The following DNAAF11 variants were observed in gnomAD, a reference collection of about 807,000 sequenced individuals.
The protein encoded by DNAAF11 is dynein axonemal assembly factor 11.
Under a neutral mutation model 60.8 loss-of-function variants are expected in DNAAF11, and 45 were observed. The observed-to-expected ratio is 0.74, with a 90% CI of 0.58 to 0.95. The LOEUF is 0.95. Ranked by LOEUF, DNAAF11 falls within the 40% of genes least tolerant of loss-of-function variation. DNAAF11 has a pLI of 0.00. For synonymous variants in DNAAF11, 191 were observed against 183.5 expected, an observed-to-expected ratio of 1.04 and a Z score of -0.33; for missense variants, 546 against 546.2, an observed-to-expected ratio of 1.00 and a Z score of 0.00.
intron 10 of DNAAF11, among the ~76,000 whole-genome samples, chr8:132,587,915 T>G (rs765364057): frequency 6.6e-6 from 1 of 152,158 alleles, no homozygotes; most frequent in Non-Finnish European, 1.5e-5. Context: ...ATGCATGACT[T>G]TCCAACTTTT....
intron 1 of DNAAF11, among the ~76,000 whole-genome samples, chr8:132,669,278 T>C (rs1824939960): frequency 6.6e-6 from 1 of 152,196 alleles, no homozygotes; most frequent in Non-Finnish European, 1.5e-5. Flanking sequence ...AGATGCTAGC[T>C]AAGATAGGAT....
intron 10 of DNAAF11, among the ~76,000 whole-genome samples, chr8:132,585,881 C>G (rs1489038777): frequency 6.6e-6 from 1 of 152,086 alleles, no homozygotes; most frequent in African/African-American, 2.4e-5. Context: ...GTATGAATGT[C>G]TATATGGTTT....
At chr8:132,644,944 C>T (rs934875496) in intron 3 of DNAAF11, among the ~76,000 whole-genome samples, 37 of 152,182 alleles carry the variant, frequency 2.4e-4, no homozygotes, top group Admixed American at 2.2e-3. Flanking sequence ...GAAACTTCTG[C>T]GGACTTAAAC....
intron 5 of DNAAF11, among the ~76,000 whole-genome samples, chr8:132,632,309 T>A (rs750478582): frequency 6.6e-6 from 1 of 152,182 alleles, no homozygotes; most frequent in Non-Finnish European, 1.5e-5. Flanking sequence ...ATTAATCACA[T>A]TAAAAATGTA....
intron 11 of DNAAF11, among the ~76,000 whole-genome samples, chr8:132,577,764 T>A (rs1364617331): frequency 6.6e-6 from 1 of 152,174 alleles, no homozygotes; most frequent in African/African-American, 2.4e-5. Flanking sequence ...GTTCAAGTGA[T>A]CTTCCCACCT....
chr8:132,661,612 A>G lies in DNAAF11; in HGVS notation c.26T>C (p.Ile9Thr). The change falls in exon 2 of 12, where the codon ATT (isoleucine) becomes ACT (threonine). Residue 9 changes from isoleucine (I) to threonine (T), a missense_variant. Coordinates refer to ENST00000620350, the MANE Select transcript of DNAAF11 (RefSeq NM_012472.6). ...GTCGTTGTGTTCAGCATTCCGTCTA[A>G]TAAGATCTTCTGTGACTGGAAGAAA... MGWITEDLIRRNAEHNDCV... is the reference protein window; with the variant it reads MGWITEDLTRRNAEHNDCV... The G allele has an allele frequency of 6.2e-7, 1 of 1,614,070 alleles. No individual in the cohort carries two copies. The highest frequency in any genetic ancestry group is 8.5e-7 in the Non-Finnish European group (1 of 1,179,950).
At chr8:132,614,626 G>A (rs1818969347) in intron 8 of DNAAF11, among the ~76,000 whole-genome samples, 2 of 152,086 alleles carry the variant, frequency 1.3e-5, no homozygotes, top group Admixed American at 1.3e-4. Flanking sequence ...CTGGTGACAG[G>A]GGCTGCTAGG....
At chr8:132,595,347 GGAAAAAAAA>G (rs1816892018) in intron 10 of DNAAF11, among the ~76,000 whole-genome samples, 5 of 40,670 alleles carry the variant, frequency 1.2e-4, no homozygotes, top group African/African-American at 4.0e-4. Flanking sequence ...GAGACAGAGG[GGAAAAAAAA>G]AAAAAAAAAA....
intron 10 of DNAAF11, among the ~76,000 whole-genome samples, chr8:132,606,144 T>C (rs1818109447): frequency 6.6e-6 from 1 of 152,216 alleles, no homozygotes; most frequent in South Asian, 2.1e-4. Flanking sequence ...TTTGTGGTGA[T>C]CCTGGCATAA....
At chr8:132,632,145 T>G (rs1395793744) in intron 5 of DNAAF11, among the ~76,000 whole-genome samples, 1 of 152,178 alleles carries the variant, frequency 6.6e-6, no homozygotes, top group East Asian at 1.9e-4. Flanking sequence ...TCTGCAATAT[T>G]TTATAATTAT....
rs754350787 is a variant in DNAAF11, at chr8:132,675,497, G to A, written c.-4C>T. ...AGGGGGGCTTACTCCAGCCCATGGC[G>A]CCTCTCCAGTTCGCTGACCCCGCAA... On this transcript the variant is annotated 5_prime_UTR_variant, in exon 1 of 12. Coordinates refer to ENST00000620350, the MANE Select transcript of DNAAF11 (RefSeq NM_012472.6). 9.6e-6 allele frequency: 15 copies of A among 1,564,298 alleles called. No homozygotes were observed. Among genetic ancestry groups the A allele is most frequent in the African/African-American group, 4.1e-5 (3 of 72,468 alleles).
At chr8:132,664,387 C>A (rs1402644246) in intron 1 of DNAAF11, among the ~76,000 whole-genome samples, 1 of 152,206 alleles carries the variant, frequency 6.6e-6, no homozygotes, top group Non-Finnish European at 1.5e-5. Context: ...ATTGCCCACT[C>A]TTAAAGATTT....
chr8:132,683,235 A>G, the DNAAF11 span, among the ~76,000 whole-genome samples: 1 of 152,228 alleles, frequency 6.6e-6, no homozygotes, highest in Non-Finnish European at 1.5e-5. Context: ...GAGAACTGAG[A>G]CAATCTAATC....
At chr8:132,608,652 C>A in intron 10 of DNAAF11, 1 of 274,138 alleles carries the variant, frequency 3.6e-6, no homozygotes. Flanking sequence ...TTCACACAGA[C>A]ACAAAAACAA....
intron 7 of DNAAF11, among the ~76,000 whole-genome samples, chr8:132,621,181 C>T (rs1819723322): frequency 6.6e-6 from 1 of 152,050 alleles, no homozygotes; most frequent in African/African-American, 2.4e-5. Context: ...TGTAACTGCC[C>T]CTGTGGTGTA....
chr8:132,643,752 T>C, intron 3 of DNAAF11: 1 of 455,766 alleles, frequency 2.2e-6, no homozygotes, highest in Admixed American at 2.3e-5. Context: ...GAGACAAGCA[T>C]AATATTGAGT....
chr8:132,672,657 G>A (rs1586756063), intron 1 of DNAAF11, among the ~76,000 whole-genome samples: 1 of 152,178 alleles, frequency 6.6e-6, no homozygotes, highest in Non-Finnish European at 1.5e-5. Flanking sequence ...AATTCAATGA[G>A]TACACACACA....
At chr8:132,647,740 C>T (rs201442021) in intron 3 of DNAAF11, among the ~76,000 whole-genome samples, 23 of 152,252 alleles carry the variant, frequency 1.5e-4, no homozygotes, top group African/African-American at 5.1e-4. Context: ...AACACCTCTA[C>T]GCAAATAAAC....
chr8:132,659,854 G>C (rs1823959483), intron 2 of DNAAF11, among the ~76,000 whole-genome samples: 1 of 152,096 alleles, frequency 6.6e-6, no homozygotes, highest in East Asian at 1.9e-4. Flanking sequence ...CCTGAGCACT[G>C]TAGGATGGTT....
Sources: gnomAD v4.1 joint callset for allele counts (sites outside exome capture counted in the v4.1 genomes callset) on GRCh38, gnomAD v4.1.1 for gene constraint, MANE v1.5 for transcripts, NCBI Gene and HGNC (gene_info 2026-07-23, HGNC 2026-07-21) for gene names.